BRIP1: variants seen among roughly 807,000 people sequenced by gnomAD.
The protein encoded by BRIP1 is BRCA1 interacting DNA helicase 1.
A neutral mutation model predicts 119.7 loss-of-function variants in BRIP1; 88 were observed. That is an observed-to-expected ratio of 0.74 (90% CI 0.62 to 0.88). The LOEUF (loss-of-function observed/expected upper bound fraction) is 0.88. Ranked by LOEUF, BRIP1 falls within the 40% of genes least tolerant of loss-of-function variation. The probability of loss-of-function intolerance (pLI) is 0.00; values close to 1 mark genes in which losing one functional copy is unlikely to be tolerated. For missense variants in BRIP1, 1,259 were observed against 1,455.4 expected (o/e 0.87, Z 2.20); for synonymous variants, 443 against 496.5 (o/e 0.89, Z 1.43).
In BRIP1 at chr17:61,827,223, G is replaced by A. The variant is rs1198813362; in HGVS notation, c.628-18466C>T. ...CTTATAAGTAGGAGCTAAATCATGAGAACATATGGAAACATAAAGGGGAAA... is the reference window on the plus strand; with the variant it reads ...CTTATAAGTAGGAGCTAAATCATGAAAACATATGGAAACATAAAGGGGAAA... On this transcript the variant is annotated intron_variant, in intron 6 of 19. Transcript: ENST00000259008. The surrounding 1 kb of genome is among the most constrained non-coding windows in gnomAD (Gnocchi z 5.8). Among the ~76,000 whole-genome samples, 1 of 152,052 alleles carries A rather than the reference G, an allele frequency of 6.6e-6. No individual in the cohort carries two copies. Among genetic ancestry groups the A allele is most frequent in the African/African-American group, 2.4e-5 (1 of 41,386 alleles).
In BRIP1 at chr17:61,753,124, G is replaced by C. The variant is rs2077154017; in HGVS notation, c.2098-8533C>G. Among the ~76,000 whole-genome samples the C allele has an allele frequency of 6.6e-6, 1 of 152,120 alleles. No individual in the cohort carries two copies. The highest frequency in any genetic ancestry group is 1.5e-5 in the Non-Finnish European group (1 of 68,024). On this transcript the variant is annotated intron_variant, in intron 14 of 19. Transcript: ENST00000259008. The surrounding 1 kb of genome is among the most constrained non-coding windows in gnomAD (Gnocchi z 4.6). Reference sequence around the variant, plus strand: ...CAAAAAGGAATAGAGACTCGAGCTTGTATACTCAGCCTCCTTGCCCTGTGA... The same window carrying C: ...CAAAAAGGAATAGAGACTCGAGCTTCTATACTCAGCCTCCTTGCCCTGTGA...
rs2078492755 is a variant in BRIP1, at chr17:61,831,540, A to C, written c.627+15561T>G. On this transcript the variant is annotated intron_variant, in intron 6 of 19. Coordinates refer to ENST00000259008, the MANE Select transcript of BRIP1 (RefSeq NM_032043.3). The surrounding 1 kb of genome is among the most constrained non-coding windows in gnomAD (Gnocchi z 4.1). ...ACTTCACATAATGTCTTCAAGTTTC[A>C]TCTATGTTGTAGTACATGTCAGAAT... Among the ~76,000 whole-genome samples, 1 of 152,214 alleles carries C rather than the reference A, an allele frequency of 6.6e-6. No homozygotes were observed. The highest frequency in any genetic ancestry group is 2.4e-5 in the African/African-American group (1 of 41,460).
intron 17 of BRIP1, among the ~76,000 whole-genome samples, chr17:61,696,188 CTG>C (rs1395144079): frequency 1.6e-5 from 2 of 125,956 alleles, no homozygotes; most frequent in Non-Finnish European, 3.2e-5. Flanking sequence ...GTGTTGAATA[CTG>C]TTTTATGCTT....
chr17:61,815,133 A>C lies in BRIP1; in HGVS notation c.628-6376T>G, dbSNP rs1345933189. On this transcript the variant is annotated intron_variant, in intron 6 of 19. Transcript: ENST00000259008. This position sits in a 1 kb window ranked among gnomAD's most constrained non-coding sequence, Gnocchi z 4.1. ...GTGCTGGAAAAAAAAAAAAAAACCC[A>C]CAGTAAATATACTCTGTTCTGGTTT... Among the ~76,000 whole-genome samples the C allele has an allele frequency of 6.7e-6, 1 of 148,688 alleles. No individual in the cohort carries two copies. The highest frequency in any genetic ancestry group is 2.5e-5 in the African/African-American group (1 of 40,530).
chr17:61,721,883 A>T (rs1046255047), intron 16 of BRIP1, among the ~76,000 whole-genome samples: 15 of 142,772 alleles, frequency 1.1e-4, no homozygotes, highest in East Asian at 2.2e-4. Context: ...GTATATATAT[A>T]TTTTTTGTTT....
Position 61,841,912 on chromosome 17 carries a change from C to T in BRIP1, c.627+5189G>A, listed in dbSNP as rs1225460496. On this transcript the variant is annotated intron_variant, in intron 6 of 19. Transcript: ENST00000259008. The surrounding 1 kb of genome is among the most constrained non-coding windows in gnomAD (Gnocchi z 4.1). The stretch of plus-strand genomic sequence containing the variant: ...GCCGGGGCTGGTCTCAAACTCCTGG[C>T]CTGAGTGATTCTCCTACCTGAGCCT... 6.6e-6 allele frequency among the ~76,000 whole-genome samples: 1 copy of T among 152,074 alleles called. No homozygotes were observed. The highest frequency in any genetic ancestry group is 2.4e-5 in the African/African-American group (1 of 41,396).
chr17:61,790,510 C>T (rs966510338), intron 10 of BRIP1, among the ~76,000 whole-genome samples: 3 of 152,084 alleles, frequency 2.0e-5, no homozygotes, highest in Non-Finnish European at 2.9e-5. Flanking sequence ...CACGCCATTG[C>T]ACTCCAGTCT....
chr17:61,770,427 AACT>A lies in BRIP1; in HGVS notation c.2097+5971_2097+5973del, dbSNP rs1355368868. Among the ~76,000 whole-genome samples the A allele has an allele frequency of 6.6e-6, 1 of 152,224 alleles. No individual in the cohort carries two copies. The highest frequency in any genetic ancestry group is 1.5e-5 in the Non-Finnish European group (1 of 68,036). On this transcript the variant is annotated intron_variant, in intron 14 of 19. Coordinates refer to ENST00000259008, the MANE Select transcript of BRIP1 (RefSeq NM_032043.3). The surrounding 1 kb of genome is among the most constrained non-coding windows in gnomAD (Gnocchi z 4.7). ...TTAATTAAAGAGCACTGGTCAAGAT[AACT>A]ACAAGGTAGTTATAAAAGACAGTAT... is the stretch of plus-strand genomic sequence containing the variant.
rs766302517 is a variant in BRIP1, at chr17:61,780,983, C to G, written c.1651G>C (p.Ala551Pro). Residue 551 changes from alanine (A) to proline (P), a missense_variant, in exon 12 of 20, where the codon GCG (alanine) becomes CCG (proline). Coordinates refer to ENST00000259008, the MANE Select transcript of BRIP1 (RefSeq NM_032043.3). The surrounding 1 kb of genome is among the most constrained non-coding windows in gnomAD (Gnocchi z 5.4). ...GTCCAGGAGTAAGTCTGTTGAATCGCAATTTTATAATCATCTGCAAATCTA... is the reference window on the plus strand; with the variant it reads ...GTCCAGGAGTAAGTCTGTTGAATCGGAATTTTATAATCATCTGCAAATCTA... The part of the protein sequence containing the change: ...NSRFADDYKI[A>P]IQQTYSWTNQ... 3 of 1,613,880 alleles carry G rather than the reference C, an allele frequency of 1.9e-6. No individual in the cohort carries two copies. The South Asian group carries it at 3.3e-5, about 18-fold the overall frequency.
chr17:61,820,642 A>G (rs963501585), intron 6 of BRIP1, among the ~76,000 whole-genome samples: 5 of 152,150 alleles, frequency 3.3e-5, no homozygotes, highest in African/African-American at 1.2e-4. Context: ...TTAAGTTGCC[A>G]ACCCTGGTTA....
chr17:61,754,767 C>T lies in BRIP1; in HGVS notation c.2098-10176G>A, dbSNP rs1270042621. Among the ~76,000 whole-genome samples the T allele has an allele frequency of 1.3e-5, 2 of 152,148 alleles. No homozygotes were observed. Among genetic ancestry groups the T allele is most frequent in the Non-Finnish European group, 2.9e-5 (2 of 68,030 alleles). On this transcript the variant is annotated intron_variant, in intron 14 of 19. Transcript: ENST00000259008. The surrounding 1 kb of genome is among the most constrained non-coding windows in gnomAD (Gnocchi z 4.1). ...TGCAGACAGCCACCTTCTGTGTCCT[C>T]ACATGGCCTTTCCTCTCTATTCAGA...
At chr17:61,812,788 TTA>T (rs2078182742) in intron 6 of BRIP1, among the ~76,000 whole-genome samples, 1 of 152,160 alleles carries the variant, frequency 6.6e-6, no homozygotes, top group South Asian at 2.1e-4. Flanking sequence ...TCTTGTTGTA[TTA>T]TATAGAGACA....
intron 3 of BRIP1, among the ~76,000 whole-genome samples, chr17:61,858,562 G>A (rs987950822): frequency 1.3e-5 from 2 of 151,944 alleles, no homozygotes; most frequent in Admixed American, 6.6e-5. Flanking sequence ...TAGTAGAGAC[G>A]GGGTTTCTCC....
chr17:61,694,360 C>G (rs1875629467), intron 17 of BRIP1, among the ~76,000 whole-genome samples: 1 of 152,076 alleles, frequency 6.6e-6, no homozygotes, highest in Non-Finnish European at 1.5e-5. Flanking sequence ...CATTTTGTAT[C>G]TGGCATATTT....
At position 61,726,642 on chromosome 17, in the gene BRIP1, G is replaced by A. The variant is rs1430347966; in HGVS notation, c.2380-10579C>T. Among the ~76,000 whole-genome samples the A allele has an allele frequency of 6.6e-6, 1 of 152,106 alleles. No homozygotes were observed. On this transcript the variant is annotated intron_variant, in intron 16 of 19. Coordinates refer to ENST00000259008, the MANE Select transcript of BRIP1 (RefSeq NM_032043.3). The surrounding 1 kb of genome is among the most constrained non-coding windows in gnomAD (Gnocchi z 6.2). ...AGTGTCAATGAAAATATATACATTG[G>A]CAGAATACATACAGAACAGTGTTCA... is the stretch of plus-strand genomic sequence containing the variant.
intron 6 of BRIP1, among the ~76,000 whole-genome samples, chr17:61,811,306 C>T (rs1169161042): frequency 1.3e-5 from 2 of 152,002 alleles, no homozygotes; most frequent in African/African-American, 4.8e-5. Context: ...CTTACCACAA[C>T]TCCATCTCCC....
intron 14 of BRIP1, among the ~76,000 whole-genome samples, chr17:61,749,102 A>C (rs1603306056): frequency 6.6e-6 from 1 of 150,516 alleles, no homozygotes; most frequent in Non-Finnish European, 1.5e-5. Context: ...ACGCCACTAC[A>C]CTCCAGCCTG....
At chr17:61,835,225 A>C (rs1334944561) in intron 6 of BRIP1, among the ~76,000 whole-genome samples, 2 of 152,212 alleles carry the variant, frequency 1.3e-5, no homozygotes, top group Admixed American at 1.3e-4. Context: ...AAGTCTAAAA[A>C]TATGGACATC....
In BRIP1 at chr17:61,691,275, G is replaced by GA. The variant is rs199673406; in HGVS notation, c.2575+2154dup. Among the ~76,000 whole-genome samples, 9 of 150,810 alleles carry GA rather than the reference G, an allele frequency of 6.0e-5. No homozygotes were observed. The highest frequency in any genetic ancestry group is 1.3e-4 in the Non-Finnish European group (9 of 67,698). On this transcript the variant is annotated intron_variant, in intron 18 of 19. Transcript: ENST00000259008. The surrounding 1 kb of genome is among the most constrained non-coding windows in gnomAD (Gnocchi z 5.0). ...TTAAAATAAAAAAACTCAAACCAGG[G>GA]AAAAAAAATAGCATCAAAAATAATA...
Sources: allele counts gnomAD v4.1 joint callset (sites outside exome capture counted in the v4.1 genomes callset), GRCh38; gene constraint gnomAD v4.1.1; non-coding constraint Gnocchi (gnomAD v3.1); transcripts MANE v1.5; gene names NCBI Gene and HGNC (gene_info 2026-07-23, HGNC 2026-07-21).